DHX40: variants seen among roughly 807,000 people sequenced by gnomAD.
DHX40 encodes DEAH-box helicase 40, also known as probable ATP-dependent RNA helicase DHX40.
A neutral mutation model predicts 89.6 loss-of-function variants in DHX40; 28 were observed. The observed-to-expected ratio is 0.31, with a 90% CI of 0.23 to 0.43. DHX40 has a LOEUF of 0.43. Ranked by LOEUF, DHX40 falls within the 20% of genes least tolerant of loss-of-function variation. The pLI, the probability that DHX40 is intolerant of heterozygous loss-of-function variation, is 1.00. For synonymous variants in DHX40, 226 were observed against 283.6 expected (o/e 0.80, Z 2.04); for missense variants, 457 against 844.0 (o/e 0.54, Z 5.68).
chr17:59,590,674 T>G (rs1164510940), intron 12 of DHX40, among the ~76,000 whole-genome samples: 3 of 151,652 alleles, frequency 2.0e-5, no homozygotes, highest in Non-Finnish European at 4.4e-5. Context: ...TTCACTCTGT[T>G]GCCCAGGCTG....
At position 59,569,421 on chromosome 17, in the gene DHX40, T is replaced by G. The variant is rs868290017; in HGVS notation, c.281-1097T>G. 1.2e-4 allele frequency among the ~76,000 whole-genome samples: 18 copies of G among 151,742 alleles called. 1 individual carries two copies. In the South Asian group the frequency reaches 3.7e-3, roughly 31 times the overall value. The stretch of plus-strand genomic sequence containing the variant: ...AATTTATTTTGGGAAGTGTGTGGAA[T>G]TTTATGAATTCTTATGTTTCAAAAT... On this transcript the variant is annotated intron_variant, in intron 2 of 17. Coordinates refer to ENST00000251241, the MANE Select transcript of DHX40 (RefSeq NM_024612.5).
chr17:59,570,196 ATAT>A (rs1449839815), intron 2 of DHX40, among the ~76,000 whole-genome samples: 3 of 118,256 alleles, frequency 2.5e-5, no homozygotes, highest in East Asian at 2.0e-4. Flanking sequence ...AATATATAAT[ATAT>A]TATAATATAT....
chr17:59,578,948 TTC>T (rs1368093266), intron 8 of DHX40, among the ~76,000 whole-genome samples: 1 of 138,124 alleles, frequency 7.2e-6, no homozygotes, highest in Non-Finnish European at 1.5e-5. Flanking sequence ...CAGTACTTCA[TTC>T]TTTTTTGTGG....
chr17:59,606,914 T>C, intron 17 of DHX40, 119 bp from the exon 18 acceptor site: 1 of 1,026,578 alleles, frequency 9.7e-7, no homozygotes, highest in South Asian at 1.7e-5. Flanking sequence ...AAATTTAATT[T>C]TTCTCTTTAT....
At chr17:59,568,957 C>A (rs1004006037) in intron 2 of DHX40, among the ~76,000 whole-genome samples, 1 of 152,024 alleles carries the variant, frequency 6.6e-6, no homozygotes, top group South Asian at 2.1e-4. Context: ...CTACCTCAAC[C>A]TTCTGAGTAG....
chr17:59,587,243 G>A (rs1023289539), intron 11 of DHX40, among the ~76,000 whole-genome samples: 3 of 150,484 alleles, frequency 2.0e-5, no homozygotes, highest in Non-Finnish European at 4.4e-5. Context: ...TGTTTTTTGA[G>A]ACGGAGTTTT....
chr17:59,568,421 A>G (rs1306391535), intron 2 of DHX40, among the ~76,000 whole-genome samples: 13 of 152,202 alleles, frequency 8.5e-5, no homozygotes, highest in Non-Finnish European at 4.4e-5. Context: ...ATATATCACT[A>G]TTTTATGTGC....
At chr17:59,575,171 G>T (rs1285088740) in intron 6 of DHX40, among the ~76,000 whole-genome samples, 169 bp from the exon 7 acceptor site, 1 of 151,728 alleles carries the variant, frequency 6.6e-6, no homozygotes, top group African/African-American at 2.4e-5. Context: ...CTTCTACTTC[G>T]AATTTTATTG....
At position 59,607,353 on chromosome 17, in the gene DHX40, CAAAG is replaced by C. The variant is rs1405688085; in HGVS notation, c.*185_*188del. The stretch of plus-strand genomic sequence containing the variant: ...CATCAGTTCCCATAAATGCAGTTGT[CAAAG>C]AAAAGATTTGGTTGCCATAGTCATA... On this transcript the variant is annotated 3_prime_UTR_variant, in exon 18 of 18. Coordinates refer to ENST00000251241, the MANE Select transcript of DHX40 (RefSeq NM_024612.5). 1.6e-6 allele frequency: 2 copies of C among 1,242,022 alleles called. No individual in the cohort carries two copies. Among genetic ancestry groups the C allele is most frequent in the South Asian group, 1.3e-5 (1 of 77,332 alleles). 76.9% of individuals were successfully genotyped at this position (1,242,022 alleles called of 1,614,324 possible).
chr17:59,597,770 C>A (rs894586295), intron 12 of DHX40, among the ~76,000 whole-genome samples: 4 of 150,444 alleles, frequency 2.7e-5, no homozygotes, highest in African/African-American at 9.7e-5. Context: ...CCCGTCTCTA[C>A]TAAAAATACA....
At chr17:59,588,139 G>C in intron 12 of DHX40, 86 bp downstream of exon 12, 2 of 1,569,012 alleles carry the variant, frequency 1.3e-6, no homozygotes, top group Non-Finnish European at 1.7e-6. Context: ...CCATCACTTT[G>C]GGAGGGCAAG....
intron 8 of DHX40, among the ~76,000 whole-genome samples, chr17:59,578,934 G>T (rs1257803591): frequency 7.4e-6 from 1 of 135,648 alleles, no homozygotes; most frequent in Non-Finnish European, 1.6e-5. Context: ...ATTGTAGCAT[G>T]TATCAGTACT....
intron 10 of DHX40, among the ~76,000 whole-genome samples, chr17:59,581,161 A>T (rs1388665763): frequency 6.8e-6 from 1 of 146,000 alleles, no homozygotes; most frequent in African/African-American, 2.6e-5. Context: ...CATACTATAT[A>T]CCATGAAAGA....
chr17:59,588,916 G>A (rs2049039790), intron 12 of DHX40, among the ~76,000 whole-genome samples: 1 of 151,990 alleles, frequency 6.6e-6, no homozygotes, highest in Admixed American at 6.6e-5. Flanking sequence ...CAGTTGTTGC[G>A]GTACCATTTG....
intron 10 of DHX40, among the ~76,000 whole-genome samples, chr17:59,580,797 G>A (rs8080219): frequency 0.44 from 66,502 of 149,870 alleles, 17,602 homozygotes; most frequent in African/African-American, 0.79. Flanking sequence ...TTCAAAAGAA[G>A]GGGGCTGGGC....
intron 17 of DHX40, 37 bp downstream of exon 17, chr17:59,605,711 C>G (rs1163875638): frequency 1.3e-6 from 2 of 1,557,338 alleles, no homozygotes; most frequent in East Asian, 2.4e-5. Context: ...AACCACTATG[C>G]CATACTGCTT....
chr17:59,589,359 C>G lies in DHX40; in HGVS notation c.1582+1306C>G, dbSNP rs556394499. Among the ~76,000 whole-genome samples the G allele has an allele frequency of 2.5e-4, 37 of 150,460 alleles. 1 individual carries two copies. In the East Asian group the frequency reaches 6.5e-3, roughly 27 times the overall value. ...GCCTCAGCCTCCCGAGTAGCTGGGA[C>G]TACAGGCGCCCGCCACAACGCCCGG... On this transcript the variant is annotated intron_variant, in intron 12 of 17. Transcript: ENST00000251241.
At position 59,573,847 on chromosome 17, in the gene DHX40, C is replaced by A. The variant is rs756242057; in HGVS notation, c.654C>A (p.Leu218=). The A allele has an allele frequency of 1.4e-5, 23 of 1,613,022 alleles. No individual in the cohort carries two copies. In the South Asian group the frequency reaches 2.2e-4, roughly 15 times the overall value. Residue 218 remains leucine (L), a synonymous_variant, in exon 5 of 18, where the codon CTC becomes CTA. Coordinates refer to ENST00000251241, the MANE Select transcript of DHX40 (RefSeq NM_024612.5). ...CAGCAACTATGGAATTAGCCAAGCTCTCTGCATTCTTTGGAAATTGTCCAA... is the reference window on the plus strand; with the variant it reads ...CAGCAACTATGGAATTAGCCAAGCTATCTGCATTCTTTGGAAATTGTCCAA... ...VMSATMELAK[L]SAFFGNCPIF...
intron 15 of DHX40, chr17:59,604,318 G>C (rs889378075): frequency 1.3e-5 from 2 of 152,100 alleles, no homozygotes; most frequent in Non-Finnish European, 2.9e-5. Flanking sequence ...TGTAAATTTA[G>C]ATTGTTTCAC....
Sources: gnomAD v4.1 joint callset for allele counts (sites outside exome capture counted in the v4.1 genomes callset) on GRCh38, gnomAD v4.1.1 for gene constraint, MANE v1.5 for transcripts, NCBI Gene and HGNC (gene_info 2026-07-23, HGNC 2026-07-21) for gene names.